The following ACTR1A variants were observed in gnomAD, a reference collection of about 807,000 sequenced individuals.
ACTR1A encodes the protein actin related protein 1A.
A neutral mutation model predicts 50.7 loss-of-function variants in ACTR1A; 10 were observed. The ratio of observed to expected loss-of-function variants is 0.20; its 90% CI spans 0.12 to 0.33. The LOEUF (loss-of-function observed/expected upper bound fraction) is 0.33, where lower values mean the gene tolerates loss of function less well. ACTR1A is among the 10% of genes least tolerant of loss of function. The probability of loss-of-function intolerance (pLI) is 1.00; values close to 1 mark genes in which losing one functional copy is unlikely to be tolerated. For synonymous variants in ACTR1A, 177 were observed against 184.2 expected (o/e 0.96, Z 0.32); for missense variants, 253 against 491.7 (o/e 0.51, Z 4.59).
chr10:102,481,750 G>T, intron 9 of ACTR1A, 87 bp downstream of exon 9: 3 of 1,492,770 alleles, frequency 2.0e-6, no homozygotes, highest in Non-Finnish European at 1.9e-6. Flanking sequence ...TGAAGAGCTT[G>T]GGCAAAGCTA....
chr10:102,479,822 G>C lies in ACTR1A; in HGVS notation c.*1041C>G. The C allele has an allele frequency of 4.2e-6, 2 of 478,744 alleles. No homozygotes were observed. Among genetic ancestry groups the C allele is most frequent in the South Asian group, 2.1e-5 (1 of 48,160 alleles). The allele number at this position is 478,744 out of a possible 1,614,324, so 29.7% of individuals were successfully genotyped here. A position where few individuals can be genotyped will look rare whatever the true frequency, so the allele number is the denominator to read the frequency against. Reference sequence around the variant, plus strand: ...CTGCCAAAGAAAAATTTTACCTCCTGTTTCAGAAAATCTAACCAGCAACCA... The same window carrying C: ...CTGCCAAAGAAAAATTTTACCTCCTCTTTCAGAAAATCTAACCAGCAACCA... On this transcript the variant is annotated 3_prime_UTR_variant, in exon 11 of 11. Coordinates refer to ENST00000369905, the MANE Select transcript of ACTR1A (RefSeq NM_005736.4). The surrounding 1 kb of genome is among the most constrained non-coding windows in gnomAD (Gnocchi z 4.0).
intron 2 of ACTR1A, among the ~76,000 whole-genome samples, chr10:102,489,738 TG>T (rs1476645052): frequency 6.6e-6 from 1 of 152,150 alleles, no homozygotes; most frequent in Non-Finnish European, 1.5e-5. Context: ...CGCTTGAACC[TG>T]CAAGGCAGGA....
At chr10:102,492,442 G>A (rs1414806508) in intron 1 of ACTR1A, among the ~76,000 whole-genome samples, 1 of 152,110 alleles carries the variant, frequency 6.6e-6, no homozygotes, top group Admixed American at 6.5e-5. Flanking sequence ...GTTTGCAGCT[G>A]CACCCGTAGC....
intron 4 of ACTR1A, among the ~76,000 whole-genome samples, chr10:102,486,284 C>T (rs1017803921): frequency 6.6e-6 from 1 of 152,162 alleles, no homozygotes; most frequent in African/African-American, 2.4e-5. Flanking sequence ...GGTGGAACAG[C>T]TTCATCCTGA....
intron 6 of ACTR1A, 112 bp downstream of exon 6, chr10:102,484,048 C>A: frequency 2.0e-6 from 2 of 1,008,124 alleles, no homozygotes; most frequent in Non-Finnish European, 3.0e-6. Context: ...CAAGGCCTCA[C>A]CAGGGACCCC....
In ACTR1A at chr10:102,481,748, T is replaced by C. The variant is rs530414169; in HGVS notation, c.987+89A>G. The stretch of plus-strand genomic sequence containing the variant: ...GTAGAGCCATGGCTGCTTGAAGAGC[T>C]TGGGCAAAGCTAGAGGGAAGCTACG... On this transcript the variant is annotated intron_variant, in intron 9 of 10. Transcript: ENST00000369905. 59 of 1,494,540 alleles carry C rather than the reference T, an allele frequency of 3.9e-5. 1 individual carries two copies. The South Asian group carries it at 6.5e-4, about 16-fold the overall frequency. 92.6% of individuals were successfully genotyped at this position (1,494,540 alleles called of 1,614,324 possible).
chr10:102,485,493 C>T (rs2062163244), intron 5 of ACTR1A, 116 bp downstream of exon 5: 1 of 1,408,482 alleles, frequency 7.1e-7, no homozygotes, highest in Non-Finnish European at 9.7e-7. Context: ...CATCTTTAAC[C>T]TTTCCCTAGC....
chr10:102,493,365 G>C (rs987266086), intron 1 of ACTR1A, among the ~76,000 whole-genome samples: 8 of 152,166 alleles, frequency 5.3e-5, no homozygotes, highest in African/African-American at 1.9e-4. Flanking sequence ...TGGGTCTCCC[G>C]GCAGAGGTTA....
chr10:102,479,736 G>T lies in ACTR1A; in HGVS notation c.*1127C>A, dbSNP rs1401349390. On this transcript the variant is annotated 3_prime_UTR_variant, in exon 11 of 11. Coordinates refer to ENST00000369905, the MANE Select transcript of ACTR1A (RefSeq NM_005736.4). The surrounding 1 kb of genome is among the most constrained non-coding windows in gnomAD (Gnocchi z 4.0). ...GTGGCAAAAGGCAACTTGGTAAATTGCAGCTTTCTCCAGTCTTAAGGGCAC... is the reference window on the plus strand; with the variant it reads ...GTGGCAAAAGGCAACTTGGTAAATTTCAGCTTTCTCCAGTCTTAAGGGCAC... 3.2e-6 allele frequency: 4 copies of T among 1,249,830 alleles called. No homozygotes were observed. The African/African-American group carries it at 6.2e-5, about 19-fold the overall frequency. 77.4% of individuals were successfully genotyped at this position (1,249,830 alleles called of 1,614,324 possible).
At chr10:102,500,083 T>C (rs1352791529) in intron 1 of ACTR1A, among the ~76,000 whole-genome samples, 1 of 152,220 alleles carries the variant, frequency 6.6e-6, no homozygotes, top group African/African-American at 2.4e-5. Context: ...GAGAATATCA[T>C]CTTTTTCCAC....
intron 1 of ACTR1A, among the ~76,000 whole-genome samples, chr10:102,493,372 G>A (rs2062205006): frequency 6.6e-6 from 1 of 152,190 alleles, no homozygotes; most frequent in Admixed American, 6.5e-5. Context: ...CCCGGCAGAG[G>A]TTAAAAACAA....
At chr10:102,500,727 A>G (rs1345255119) in intron 1 of ACTR1A, among the ~76,000 whole-genome samples, 1 of 152,036 alleles carries the variant, frequency 6.6e-6, no homozygotes, top group East Asian at 1.9e-4. Context: ...ATTGCACTCC[A>G]GCCTGGGTGA....
chr10:102,502,343 G>C (rs769033031), intron 1 of ACTR1A, among the ~76,000 whole-genome samples: 3 of 152,238 alleles, frequency 2.0e-5, no homozygotes, highest in African/African-American at 7.2e-5. Flanking sequence ...AAGGCCCCTA[G>C]AGCCAAGGGC....
At chr10:102,483,831 C>T (rs571670340) in intron 6 of ACTR1A, among the ~76,000 whole-genome samples, 4 of 152,206 alleles carry the variant, frequency 2.6e-5, no homozygotes, top group South Asian at 4.1e-4. Context: ...GGCGACAGAG[C>T]GAGACTCCAT....
rs1464868918 is a variant in ACTR1A, at chr10:102,479,570, C to A, written c.*1293G>T. On this transcript the variant is annotated 3_prime_UTR_variant, in exon 11 of 11. Transcript: ENST00000369905. This position sits in a 1 kb window ranked among gnomAD's most constrained non-coding sequence, Gnocchi z 4.0. ...AGGCCTTTGGACCACTCCTAGGAGT[C>A]AGGCCTGGCTCCATTAGCTCCTGGC... The A allele has an allele frequency of 7.8e-7, 1 of 1,275,134 alleles. No homozygotes were observed. Among genetic ancestry groups the A allele is most frequent in the Admixed American group, 2.3e-5 (1 of 43,286 alleles). The allele number at this position is 1,275,134 out of a possible 1,614,324, so 79.0% of individuals were successfully genotyped here.
intron 1 of ACTR1A, among the ~76,000 whole-genome samples, chr10:102,495,866 A>G (rs1241828275): frequency 7.7e-6 from 1 of 129,114 alleles, no homozygotes; most frequent in Admixed American, 8.6e-5. Flanking sequence ...GTCCAAAGCC[A>G]TTCTCCTGCC....
chr10:102,491,932 AT>A (rs558164702), intron 1 of ACTR1A, among the ~76,000 whole-genome samples: 333 of 134,488 alleles, frequency 2.5e-3, no homozygotes, highest in Middle Eastern at 4.0e-3. Context: ...TGCCTGGCTA[AT>A]TTTTTTTTTT....
Position 102,501,094 on chromosome 10 carries a change from A to T in ACTR1A, c.48+1506T>A, listed in dbSNP as rs539367294. Among the ~76,000 whole-genome samples the T allele has an allele frequency of 6.6e-5, 10 of 152,136 alleles. No homozygotes were observed. The South Asian group carries it at 2.1e-3, about 32-fold the overall frequency. ...TCCAAAAAAAAAAAAGAAAAAAAAAATGAGCTGTCTCATTGAGCTCAATCC... is the reference window on the plus strand; with the variant it reads ...TCCAAAAAAAAAAAAGAAAAAAAAATTGAGCTGTCTCATTGAGCTCAATCC... On this transcript the variant is annotated intron_variant, in intron 1 of 10. Coordinates refer to ENST00000369905, the MANE Select transcript of ACTR1A (RefSeq NM_005736.4).
intron 1 of ACTR1A, among the ~76,000 whole-genome samples, chr10:102,493,001 C>CAAAAAAAAAAAAAAAAAAAAAAAAAAA (rs398014648): frequency 1.0e-4 from 5 of 48,932 alleles, no homozygotes; most frequent in Non-Finnish European, 1.3e-4. Context: ...GACTCCACCT[C>CAAAAAAAAAAAAAAAAAAAAAAAAAAA]AAAAAAAAAA....
Sources: gnomAD v4.1 joint callset for allele counts (sites outside exome capture counted in the v4.1 genomes callset) on GRCh38, gnomAD v4.1.1 for gene constraint, Gnocchi (gnomAD v3.1) non-coding constraint, MANE v1.5 for transcripts, NCBI Gene and HGNC (gene_info 2026-07-23, HGNC 2026-07-21) for gene names.